The following BRSK2 variants were observed in gnomAD, a reference collection of about 807,000 sequenced individuals.
The protein encoded by BRSK2 is BR serine/threonine kinase 2.
A neutral mutation model predicts 83.3 loss-of-function variants in BRSK2; 19 were observed. The ratio of observed to expected loss-of-function variants is 0.23; its 90% CI spans 0.16 to 0.33. The LOEUF (loss-of-function observed/expected upper bound fraction) is 0.33, where lower values mean the gene tolerates loss of function less well. Ranked by LOEUF, BRSK2 falls within the 10% of genes least tolerant of loss-of-function variation. BRSK2 has a pLI of 1.00. For missense variants in BRSK2, 798 were observed against 1,042.3 expected, an observed-to-expected ratio of 0.77 and a Z score of 3.23; for synonymous variants, 519 against 435.4, an observed-to-expected ratio of 1.19 and a Z score of -2.39.
chr11:1,422,045 G>T (rs1264563367), intron 1 of BRSK2, among the ~76,000 whole-genome samples: 4 of 152,132 alleles, frequency 2.6e-5, no homozygotes, highest in African/African-American at 9.7e-5. Flanking sequence ...CACGGGGGGA[G>T]GGTGGCGCCC....
chr11:1,455,111 C>T (rs989497871), intron 16 of BRSK2, among the ~76,000 whole-genome samples: 1 of 152,170 alleles, frequency 6.6e-6, no homozygotes, highest in Non-Finnish European at 1.5e-5. Flanking sequence ...AGTGGTCGCG[C>T]TCGGGGTCTT....
chr11:1,396,085 G>A (rs1590295833), intron 1 of BRSK2, among the ~76,000 whole-genome samples: 1 of 152,166 alleles, frequency 6.6e-6, no homozygotes, highest in Non-Finnish European at 1.5e-5. Flanking sequence ...TGGCTGCCGA[G>A]GTGGCCAGGT....
Position 1,390,711 on chromosome 11 carries a change from C to G in BRSK2, c.91+336C>G, listed in dbSNP as rs1424928163. 6.6e-6 allele frequency among the ~76,000 whole-genome samples: 1 copy of G among 150,936 alleles called. No homozygotes were observed. The highest frequency in any genetic ancestry group is 1.5e-5 in the Non-Finnish European group (1 of 67,700). ...CATTGTGCGCCCCAGCGACCGGGCC[C>G]ATTGTGCCGCGGGAGGAGGGGGCCG... On this transcript the variant is annotated intron_variant, in intron 1 of 19. Coordinates refer to ENST00000528841, the MANE Select transcript of BRSK2 (RefSeq NM_001256627.2). This position sits in a 1 kb window ranked among gnomAD's most constrained non-coding sequence, Gnocchi z 6.8.
Position 1,456,483 on chromosome 11 carries a change from CAGA to C in BRSK2, c.1807_1809del (p.Lys603del), listed in dbSNP as rs1348167678. ...CACCTACACGGAGGGTGGGGAGGCG[CAGA>C]AGGAGAACGGCATCTACTCCGTCAC... On this transcript the variant is annotated inframe_deletion, in exon 17 of 20. Transcript: ENST00000528841. 11 of 1,576,024 alleles carry C rather than the reference CAGA, an allele frequency of 7.0e-6. No individual in the cohort carries two copies. Among genetic ancestry groups the C allele is most frequent in the South Asian group, 3.5e-5 (3 of 85,802 alleles).
chr11:1,438,181 C>T lies in BRSK2; in HGVS notation c.187-125C>T, dbSNP rs897699684. On this transcript the variant is annotated intron_variant, in intron 2 of 19. Transcript: ENST00000528841. The surrounding 1 kb of genome is among the most constrained non-coding windows in gnomAD (Gnocchi z 6.4). ...CCACAGCTGGCACCAAAGGCCCCTG[C>T]GACCCCCACAGCTGGCACCAAAGGC... is the stretch of plus-strand genomic sequence containing the variant. 18 of 756,746 alleles carry T rather than the reference C, an allele frequency of 2.4e-5. No homozygotes were observed. The highest frequency in any genetic ancestry group is 3.6e-5 in the Non-Finnish European group (17 of 474,264). 46.9% of individuals were successfully genotyped at this position (756,746 alleles called of 1,614,324 possible).
At chr11:1,455,178 C>T (rs1846334971) in intron 16 of BRSK2, among the ~76,000 whole-genome samples, 1 of 152,084 alleles carries the variant, frequency 6.6e-6, no homozygotes, top group Non-Finnish European at 1.5e-5. Context: ...GCAGAAAGGC[C>T]CTAAAAGCCT....
At chr11:1,393,892 TCCTGGAGATGGGCC>T (rs1845884419) in intron 1 of BRSK2, among the ~76,000 whole-genome samples, 4 of 131,408 alleles carry the variant, frequency 3.0e-5, no homozygotes, top group South Asian at 2.5e-4. Flanking sequence ...TGGAGATGGG[TCCTGGAGATGGGCC>T]CCTGGAGATG....
chr11:1,447,108 G>A (rs1418946228), intron 12 of BRSK2, among the ~76,000 whole-genome samples: 7 of 151,990 alleles, frequency 4.6e-5, no homozygotes, highest in African/African-American at 9.7e-5. Flanking sequence ...AGCTTCCAAC[G>A]TGGGGTCCCA....
At chr11:1,398,654 C>G (rs1846270940) in intron 1 of BRSK2, among the ~76,000 whole-genome samples, 1 of 152,216 alleles carries the variant, frequency 6.6e-6, no homozygotes, top group African/African-American at 2.4e-5. Flanking sequence ...GGTTCCCCTC[C>G]CACACAAGCT....
At position 1,459,309 on chromosome 11, in the gene BRSK2, C is replaced by T. The variant is rs1319200507; in HGVS notation, c.1987+70C>T. 7.1e-6 allele frequency: 11 copies of T among 1,550,010 alleles called. No individual in the cohort carries two copies. In the East Asian group the frequency reaches 1.1e-4, roughly 16 times the overall value. ...ACCGCTCACCCTCAGCCCGCTGTGG[C>T]CGCCACCTGCCGCCCGGGTTGTCCC... On this transcript the variant is annotated intron_variant, in intron 19 of 19. Transcript: ENST00000528841.
intron 1 of BRSK2, among the ~76,000 whole-genome samples, chr11:1,401,986 G>A (rs1183732831): frequency 6.6e-6 from 1 of 152,166 alleles, no homozygotes; most frequent in Non-Finnish European, 1.5e-5. Context: ...TGTGTTCGGT[G>A]CCTCCTGCTG....
Position 1,461,660 on chromosome 11 carries a change from T to A in BRSK2, c.*937T>A, listed in dbSNP as rs550258741. The A allele has an allele frequency of 6.6e-6, 1 of 152,218 alleles. No individual in the cohort carries two copies. The highest frequency in any genetic ancestry group is 1.9e-4 in the East Asian group (1 of 5,144). 9.4% of individuals were successfully genotyped at this position (152,218 alleles called of 1,614,324 possible). On this transcript the variant is annotated 3_prime_UTR_variant, in exon 20 of 20. Transcript: ENST00000528841. ...GGGGGGCTGGGGCCAGGGCGCCCTC[T>A]GAGGACAGAGCTGGTGGGGCGCGGG...
intron 1 of BRSK2, among the ~76,000 whole-genome samples, chr11:1,402,572 C>T (rs113633870): frequency 6.6e-6 from 1 of 152,210 alleles, no homozygotes. Flanking sequence ...CCCAGCCAGC[C>T]CTCCTGACTC....
In BRSK2 at chr11:1,454,626, T is replaced by C. The variant is rs1590682939; in HGVS notation, c.1668+18T>C. The C allele has an allele frequency of 3.7e-6, 6 of 1,611,854 alleles. No individual in the cohort carries two copies. Among genetic ancestry groups the C allele is most frequent in the Admixed American group, 1.7e-5 (1 of 59,988 alleles). On this transcript the variant is annotated intron_variant, in intron 16 of 19. Transcript: ENST00000528841. This position sits in a 1 kb window ranked among gnomAD's most constrained non-coding sequence, Gnocchi z 5.2. The stretch of plus-strand genomic sequence containing the variant: ...TCCTGTCGGTGAGGCCACAGGGCGC[T>C]GGGGGAGGCGGGCAGCCCTCCCAAC...
At chr11:1,435,869 C>T (rs568790642) in intron 1 of BRSK2, among the ~76,000 whole-genome samples, 171 bp from the exon 2 acceptor site, 3 of 151,762 alleles carry the variant, frequency 2.0e-5, no homozygotes, top group African/African-American at 7.3e-5. Context: ...GTGACGCCAG[C>T]ACTGAGCTGT....
Position 1,460,803 on chromosome 11 carries a change from C to A in BRSK2, c.*80C>A. 1 of 1,474,372 alleles carries A rather than the reference C, an allele frequency of 6.8e-7. No individual in the cohort carries two copies. 91.3% of individuals were successfully genotyped at this position (1,474,372 alleles called of 1,614,324 possible). On this transcript the variant is annotated 3_prime_UTR_variant, in exon 20 of 20. Transcript: ENST00000528841. ...CCGCCCGCCCTGCCCCGAGTGGACC[C>A]GCGGCCGCGCCGCCCGTCCGTCCAG... is the stretch of plus-strand genomic sequence containing the variant.
chr11:1,436,552 G>A (rs912875100), intron 2 of BRSK2, among the ~76,000 whole-genome samples: 3 of 152,146 alleles, frequency 2.0e-5, no homozygotes, highest in South Asian at 2.1e-4. Context: ...CCTGGCCTCC[G>A]TCGGCTCCAT....
chr11:1,419,989 C>T (rs375622884), intron 1 of BRSK2, among the ~76,000 whole-genome samples: 47 of 152,208 alleles, frequency 3.1e-4, no homozygotes, highest in Admixed American at 7.8e-4. Flanking sequence ...CCAGGCTCCG[C>T]GCCTCCTCCC....
chr11:1,408,812 GGTGT>G (rs752611597), intron 1 of BRSK2, among the ~76,000 whole-genome samples: 49 of 143,246 alleles, frequency 3.4e-4, no homozygotes, highest in East Asian at 1.0e-3. Context: ...TGCCTGTGCT[GGTGT>G]GTGTGTGTGT....
Sources: gnomAD v4.1 joint callset for allele counts (sites outside exome capture counted in the v4.1 genomes callset) on GRCh38, gnomAD v4.1.1 for gene constraint, Gnocchi (gnomAD v3.1) non-coding constraint, MANE v1.5 for transcripts, NCBI Gene and HGNC (gene_info 2026-07-23, HGNC 2026-07-21) for gene names.